The following AFG2A variants were observed in gnomAD, a reference collection of about 807,000 sequenced individuals.
The protein encoded by AFG2A is AAA ATPase AFG2A, also known as ATPase family gene 2 protein homolog A.
the AFG2A span, among the ~76,000 whole-genome samples, chr4:123,123,172 A>C: frequency 2.0e-5 from 3 of 152,192 alleles, no homozygotes; most frequent in Admixed American, 6.5e-5. Context: ...AGCATAAAAC[A>C]ATGGTTGGAG....
At chr4:123,036,027 A>T in the AFG2A span, among the ~76,000 whole-genome samples, 1 of 152,172 alleles carries the variant, frequency 6.6e-6, no homozygotes, top group Non-Finnish European at 1.5e-5. Flanking sequence ...AATGAAATTT[A>T]GAGGTGAAAT....
chr4:123,208,891 A>G, the AFG2A span, among the ~76,000 whole-genome samples: 1 of 152,278 alleles, frequency 6.6e-6, no homozygotes, highest in Admixed American at 6.5e-5. Flanking sequence ...CCAAAGTAGT[A>G]TCTTTTTCTA....
chr4:123,103,140 C>G, the AFG2A span, among the ~76,000 whole-genome samples: 1 of 152,120 alleles, frequency 6.6e-6, no homozygotes, highest in Non-Finnish European at 1.5e-5. Context: ...GAGGCTCCCC[C>G]TTATTTATCC....
At chr4:123,193,566 T>C in the AFG2A span, among the ~76,000 whole-genome samples, 1 of 152,212 alleles carries the variant, frequency 6.6e-6, no homozygotes, top group Non-Finnish European at 1.5e-5. Context: ...AATAAATGAT[T>C]TAACATTTTA....
the AFG2A span, among the ~76,000 whole-genome samples, chr4:123,156,769 A>G: frequency 4.0e-5 from 6 of 150,974 alleles, no homozygotes; most frequent in African/African-American, 9.7e-5. Context: ...TAAAAAAAAA[A>G]AAAAAAAGAA....
chr4:122,947,489 G>A, the AFG2A span: 221 of 1,606,370 alleles, frequency 1.4e-4, no homozygotes, highest in Non-Finnish European at 1.8e-4. Context: ...AATGAAGCAG[G>A]TGAGTGTGGT....
chr4:123,304,513 G>A, the AFG2A span, among the ~76,000 whole-genome samples: 1 of 152,192 alleles, frequency 6.6e-6, no homozygotes, highest in African/African-American at 2.4e-5. Context: ...CAGCGCCTGG[G>A]CCCTCCAGCG....
chr4:123,156,702 C>T, the AFG2A span, among the ~76,000 whole-genome samples: 2 of 149,554 alleles, frequency 1.3e-5, no homozygotes, highest in African/African-American at 5.0e-5. Flanking sequence ...AAACCAACCT[C>T]TTTGTAAAAC....
the AFG2A span, among the ~76,000 whole-genome samples, chr4:123,035,400 C>T: frequency 6.6e-6 from 1 of 152,002 alleles, no homozygotes; most frequent in East Asian, 1.9e-4. Flanking sequence ...CCCTTGACTT[C>T]AGCAAATAGT....
At chr4:122,975,126 A>G in the AFG2A span, among the ~76,000 whole-genome samples, 3 of 152,208 alleles carry the variant, frequency 2.0e-5, no homozygotes, top group Non-Finnish European at 2.9e-5. Context: ...TTTACAAAGA[A>G]CAGAAATTTA....
the AFG2A span, among the ~76,000 whole-genome samples, chr4:123,061,701 C>T: frequency 2.0e-5 from 3 of 152,230 alleles, no homozygotes; most frequent in Admixed American, 1.3e-4. Flanking sequence ...ACCCCCCTCA[C>T]ATTTGGTATT....
the AFG2A span, among the ~76,000 whole-genome samples, chr4:123,091,211 A>G: frequency 1.3e-5 from 2 of 152,228 alleles, no homozygotes; most frequent in African/African-American, 2.4e-5. Context: ...TTTCCTGCAC[A>G]TGCTACAGTT....
At chr4:123,315,134 A>G in the AFG2A span, 1 of 150,446 alleles carries the variant, frequency 6.6e-6, no homozygotes, top group Non-Finnish European at 1.5e-5. Flanking sequence ...ACTTATACAT[A>G]TTTTCAGGGT....
the AFG2A span, chr4:122,934,438 C>T: frequency 6.2e-7 from 1 of 1,614,198 alleles, no homozygotes; most frequent in East Asian, 2.2e-5. Context: ...TGGACTTATG[C>T]TAGAGGAAGT....
At chr4:123,207,039 G>T in the AFG2A span, among the ~76,000 whole-genome samples, 1 of 152,124 alleles carries the variant, frequency 6.6e-6, no homozygotes, top group Non-Finnish European at 1.5e-5. Flanking sequence ...AGCATATCCT[G>T]ACAGCCTCAT....
the AFG2A span, among the ~76,000 whole-genome samples, chr4:123,232,092 G>C: frequency 6.6e-6 from 1 of 151,952 alleles, no homozygotes; most frequent in African/African-American, 2.4e-5. Context: ...CAGTAGACTT[G>C]CTCAATGCAG....
the AFG2A span, among the ~76,000 whole-genome samples, chr4:123,188,800 C>T: frequency 1.8e-4 from 28 of 152,108 alleles, no homozygotes; most frequent in Non-Finnish European, 2.6e-4. Flanking sequence ...GGTAGGTAGA[C>T]GTCTTAATAG....
the AFG2A span, among the ~76,000 whole-genome samples, chr4:123,039,398 A>G: frequency 6.6e-6 from 1 of 152,020 alleles, no homozygotes; most frequent in African/African-American, 2.4e-5. Context: ...TAGTTGCTCT[A>G]AACTGAATAA....
chr4:123,008,974 T>TCTTCA, the AFG2A span, among the ~76,000 whole-genome samples: 1 of 152,236 alleles, frequency 6.6e-6, no homozygotes, highest in Non-Finnish European at 1.5e-5. Flanking sequence ...TGTGCATCTG[T>TCTTCA]CTTCATTGGG....
Sources: allele counts gnomAD v4.1 joint callset (sites outside exome capture counted in the v4.1 genomes callset), GRCh38; gene constraint gnomAD v4.1.1; transcripts MANE v1.5; gene names NCBI Gene and HGNC (gene_info 2026-07-23, HGNC 2026-07-21).